LARP1B: variants seen among roughly 807,000 people sequenced by gnomAD.
LARP1B encodes La ribonucleoprotein 1B.
In LARP1B, 76 loss-of-function variants were observed where a neutral mutation model predicts 114.2. That is an observed-to-expected ratio of 0.67 (90% CI 0.55 to 0.81). The LOEUF is 0.81. Ranked by LOEUF, LARP1B falls within the 30% of genes least tolerant of loss-of-function variation. The probability of loss-of-function intolerance (pLI) is 0.00; values close to 1 mark genes in which losing one functional copy is unlikely to be tolerated. For missense variants in LARP1B, 1,014 were observed against 1,075.8 expected (o/e 0.94, Z 0.80); for synonymous variants, 345 against 348.0 (o/e 0.99, Z 0.10).
At chr4:128,144,629 C>A (rs2150249155) in intron 11 of LARP1B, among the ~76,000 whole-genome samples, 1 of 152,160 alleles carries the variant, frequency 6.6e-6, no homozygotes, top group Non-Finnish European at 1.5e-5. Context: ...GCCGCCATGC[C>A]TGGTTCTTTC....
chr4:128,178,035 G>GATATATATAT lies in LARP1B; in HGVS notation c.1685-380_1685-371dup, dbSNP rs35878913. Among the ~76,000 whole-genome samples the GATATATATAT allele has an allele frequency of 5.7e-3, 782 of 137,806 alleles. 6 individuals carry two copies. The highest frequency in any genetic ancestry group is 0.028 in the Middle Eastern group (7 of 254). The allele number at this position is 137,806 out of a possible 152,430, so 90.4% of individuals were successfully genotyped here. A position where few individuals can be genotyped will look rare whatever the true frequency, so the allele number is the denominator to read the frequency against. ...AAAACATGAAAAAAGTTTACAAAGT[G>GATATATATAT]ATATATATATATATATATATATATA... On this transcript the variant is annotated intron_variant, in intron 13 of 19. Transcript: ENST00000326639.
At chr4:128,137,786 TA>T (rs1279930973) in intron 11 of LARP1B, among the ~76,000 whole-genome samples, 18 of 78,530 alleles carry the variant, frequency 2.3e-4, no homozygotes, top group Admixed American at 3.3e-4. Flanking sequence ...TATATATATA[TA>T]TATATTTTTT....
chr4:128,142,602 G>A (rs1423115651), intron 11 of LARP1B, among the ~76,000 whole-genome samples: 6 of 151,134 alleles, frequency 4.0e-5, no homozygotes, highest in African/African-American at 1.2e-4. Context: ...TCTGCCTCCC[G>A]GGTTCAAGCT....
chr4:128,125,985 T>G (rs987826751), intron 11 of LARP1B, among the ~76,000 whole-genome samples: 2 of 152,114 alleles, frequency 1.3e-5, no homozygotes, highest in Admixed American at 1.3e-4. Context: ...ATCTTAGACC[T>G]CCTTTATTCA....
intron 12 of LARP1B, among the ~76,000 whole-genome samples, chr4:128,165,911 C>T (rs1740608588): frequency 6.6e-6 from 1 of 151,976 alleles, no homozygotes; most frequent in African/African-American, 2.4e-5. Flanking sequence ...GCTTTAGGAC[C>T]CAGTCCTCAA....
intron 17 of LARP1B, among the ~76,000 whole-genome samples, 178 bp from the exon 18 acceptor site, chr4:128,206,250 C>T (rs1467957365): frequency 1.3e-5 from 2 of 152,120 alleles, no homozygotes; most frequent in African/African-American, 4.8e-5. Context: ...CGAGGTCGCA[C>T]CATTGCACTC....
intron 7 of LARP1B, among the ~76,000 whole-genome samples, chr4:128,094,541 G>C (rs1777204701): frequency 6.6e-6 from 1 of 151,202 alleles, no homozygotes; most frequent in Admixed American, 6.6e-5. Flanking sequence ...CGAATAGCTG[G>C]GATTAGAGGC....
chr4:128,073,123 T>C (rs1352643783), intron 1 of LARP1B, among the ~76,000 whole-genome samples: 2 of 152,096 alleles, frequency 1.3e-5, no homozygotes, highest in East Asian at 1.9e-4. Flanking sequence ...TTGAAAGATA[T>C]ACTACCTTGG....
At chr4:128,081,460 C>G (rs1238701843) in intron 4 of LARP1B, among the ~76,000 whole-genome samples, 1 of 145,790 alleles carries the variant, frequency 6.9e-6, no homozygotes, top group Non-Finnish European at 1.5e-5. Flanking sequence ...TAGGCTTATG[C>G]AGAGGAGAAT....
intron 5 of LARP1B, among the ~76,000 whole-genome samples, chr4:128,088,752 T>C (rs942555606): frequency 1.3e-5 from 2 of 152,206 alleles, no homozygotes; most frequent in African/African-American, 4.8e-5. Flanking sequence ...AAATTTTTTG[T>C]AAGTGTACTT....
At position 128,109,003 on chromosome 4, in the gene LARP1B, GTTAT is replaced by G. The variant is rs763819144; in HGVS notation, c.988+1694_988+1697del. On this transcript the variant is annotated intron_variant, in intron 9 of 19. Transcript: ENST00000326639. ...TATATTAAAATGTCATAAATTTTAGGTTATTTAGATTACATATCAGAAACTAGAT... is the reference window on the plus strand; with the variant it reads ...TATATTAAAATGTCATAAATTTTAGGTTAGATTACATATCAGAAACTAGAT... 66 of 223,060 alleles carry G rather than the reference GTTAT, an allele frequency of 3.0e-4. 1 individual carries two copies. The highest frequency in any genetic ancestry group is 2.2e-4 in the Non-Finnish European group (29 of 133,082). The allele number at this position is 223,060 out of a possible 1,614,324, so 13.8% of individuals were successfully genotyped here.
intron 7 of LARP1B, among the ~76,000 whole-genome samples, chr4:128,095,173 T>A (rs1162676063): frequency 6.6e-6 from 1 of 152,118 alleles, no homozygotes; most frequent in East Asian, 1.9e-4. Flanking sequence ...GTGTTTAAAA[T>A]TTTTTCCTTT....
chr4:128,177,205 C>T (rs983079607), intron 13 of LARP1B, among the ~76,000 whole-genome samples: 1 of 151,986 alleles, frequency 6.6e-6, no homozygotes, highest in Non-Finnish European at 1.5e-5. Flanking sequence ...CTAATTTGCT[C>T]CTCAGAATAA....
chr4:128,174,471 T>C (rs1365897738), intron 12 of LARP1B, among the ~76,000 whole-genome samples: 7 of 152,080 alleles, frequency 4.6e-5, no homozygotes, highest in Non-Finnish European at 7.4e-5. Context: ...AAAATGTTTC[T>C]TTTGAGATAA....
chr4:128,174,339 T>C (rs1005182571), intron 12 of LARP1B, among the ~76,000 whole-genome samples: 6 of 152,010 alleles, frequency 3.9e-5, no homozygotes, highest in African/African-American at 1.2e-4. Flanking sequence ...TGTTTCCTAA[T>C]ATATTTCCAA....
chr4:128,074,850 C>T, intron 2 of LARP1B, 84 bp from the exon 3 acceptor site: 1 of 922,440 alleles, frequency 1.1e-6, no homozygotes, highest in South Asian at 1.5e-5. Flanking sequence ...ATTTAAAACT[C>T]CTTTCACTTT....
At chr4:128,174,993 C>T (rs1745302159) in intron 12 of LARP1B, among the ~76,000 whole-genome samples, 1 of 152,114 alleles carries the variant, frequency 6.6e-6, no homozygotes, top group South Asian at 2.1e-4. Flanking sequence ...TTGCAATTGA[C>T]TGATAACACC....
chr4:128,129,502 T>A (rs1580785290), intron 11 of LARP1B, among the ~76,000 whole-genome samples: 2 of 152,294 alleles, frequency 1.3e-5, no homozygotes, highest in South Asian at 4.1e-4. Context: ...ATGCATTTAG[T>A]ATACCCAATC....
chr4:128,152,311 C>T (rs1240383900), intron 11 of LARP1B, among the ~76,000 whole-genome samples: 1 of 150,714 alleles, frequency 6.6e-6, no homozygotes. Flanking sequence ...TCAAGCGATT[C>T]TCCTGCCTTA....
Sources: allele counts gnomAD v4.1 joint callset (sites outside exome capture counted in the v4.1 genomes callset), GRCh38; gene constraint gnomAD v4.1.1; transcripts MANE v1.5; gene names NCBI Gene and HGNC (gene_info 2026-07-23, HGNC 2026-07-21).